Variants in TENM2 observed in about 807,000 individuals in gnomAD.
The protein encoded by TENM2 is teneurin-2.
Under a neutral mutation model 245.2 loss-of-function variants are expected in TENM2, and 52 were observed. The ratio of observed to expected loss-of-function variants is 0.21; its 90% CI spans 0.17 to 0.27. The LOEUF (loss-of-function observed/expected upper bound fraction) is 0.27, where lower values mean the gene tolerates loss of function less well. Ranked by LOEUF, TENM2 falls within the 10% of genes least tolerant of loss-of-function variation. The pLI is 1.00. For synonymous variants in TENM2, 1,363 were observed against 1,438.9 expected, an observed-to-expected ratio of 0.95 and a Z score of 1.19; for missense variants, 3,046 against 3,666.8, an observed-to-expected ratio of 0.83 and a Z score of 4.37.
At chr5:167,705,989 A>ATATT (rs1215316587) in intron 2 of TENM2, among the ~76,000 whole-genome samples, 18 of 63,974 alleles carry the variant, frequency 2.8e-4, no homozygotes, top group South Asian at 4.1e-4. Context: ...ATATATATAT[A>ATATT]TATTTATTTA....
the TENM2 span, among the ~76,000 whole-genome samples, chr5:167,027,215 A>G: frequency 6.6e-6 from 1 of 152,180 alleles, no homozygotes; most frequent in African/African-American, 2.4e-5. Flanking sequence ...GTAAATTACT[A>G]AGGAATTATT....
the TENM2 span, among the ~76,000 whole-genome samples, chr5:167,018,884 A>G: frequency 6.6e-6 from 1 of 152,226 alleles, no homozygotes; most frequent in Non-Finnish European, 1.5e-5. Flanking sequence ...AAAATGGAAC[A>G]AATAATACCT....
chr5:168,164,967 C>T lies in TENM2; in HGVS notation c.2569+2210C>T, dbSNP rs77283250. ...GTGTCCAGAGCAGGGTGGAATCCATCGGGGTGGTGGATGAGAGTATTAGAT... is the reference window on the plus strand; with the variant it reads ...GTGTCCAGAGCAGGGTGGAATCCATTGGGGTGGTGGATGAGAGTATTAGAT... On this transcript the variant is annotated intron_variant, in intron 13 of 28. Coordinates refer to ENST00000518659, the Ensembl canonical transcript of TENM2. Among the ~76,000 whole-genome samples the T allele has an allele frequency of 7.3e-4, 111 of 152,300 alleles. 1 individual carries two copies. The East Asian group carries it at 0.019, about 26-fold the overall frequency.
chr5:167,993,216 G>T, intron 5 of TENM2, 34 bp downstream of exon 7: 1 of 1,555,268 alleles, frequency 6.4e-7, no homozygotes, highest in Non-Finnish European at 8.9e-7. Flanking sequence ...GCAACGCTGG[G>T]GATGACAACA....
upstream of TENM2, among the ~76,000 whole-genome samples, chr5:167,280,132 G>A (rs1770961240): frequency 2.0e-5 from 3 of 152,188 alleles, no homozygotes; most frequent in South Asian, 6.2e-4. Context: ...AAGGCAGGGA[G>A]TTTCTTCTCA....
the TENM2 span, among the ~76,000 whole-genome samples, chr5:167,162,618 C>A: frequency 6.8e-6 from 1 of 147,280 alleles, no homozygotes; most frequent in Non-Finnish European, 1.5e-5. Context: ...CAAAGCAAGA[C>A]TGTATCTAAA....
At chr5:167,386,810 TC>T (rs1042627728) in intron 2 of TENM2, among the ~76,000 whole-genome samples, 15 of 152,138 alleles carry the variant, frequency 9.9e-5, no homozygotes, top group African/African-American at 3.6e-4. Context: ...TTGTTGAAGA[TC>T]AGTTCCTGCA....
At chr5:167,868,239 C>T (rs1772499687) in intron 2 of TENM2, among the ~76,000 whole-genome samples, 1 of 152,146 alleles carries the variant, frequency 6.6e-6, no homozygotes, top group Admixed American at 6.5e-5. Context: ...CAAAAAGTTC[C>T]CACACATTGC....
intron 25 of TENM2, among the ~76,000 whole-genome samples, chr5:168,237,537 T>C (rs1250547198): frequency 6.6e-6 from 1 of 151,948 alleles, no homozygotes; most frequent in Non-Finnish European, 1.5e-5. Flanking sequence ...ACATGAATGG[T>C]GAAGGTATGG....
At chr5:167,223,335 A>G in the TENM2 span, among the ~76,000 whole-genome samples, 1 of 151,454 alleles carries the variant, frequency 6.6e-6, no homozygotes, top group African/African-American at 2.4e-5. Context: ...AACTCCCCCG[A>G]CCCCCACCCC....
chr5:167,268,192 G>T, the TENM2 span, among the ~76,000 whole-genome samples: 1 of 152,152 alleles, frequency 6.6e-6, no homozygotes, highest in Non-Finnish European at 1.5e-5. Flanking sequence ...TGTAATTGTG[G>T]CTGCTTCTAA....
chr5:167,674,032 T>A (rs1756141746), intron 2 of TENM2, among the ~76,000 whole-genome samples: 1 of 152,170 alleles, frequency 6.6e-6, no homozygotes, highest in African/African-American at 2.4e-5. Flanking sequence ...AAAATTTGAA[T>A]GTTCTGTAAT....
intron 4 of TENM2, among the ~76,000 whole-genome samples, chr5:167,981,219 C>T (rs1404037751): frequency 6.6e-6 from 1 of 152,188 alleles, no homozygotes; most frequent in East Asian, 1.9e-4. Flanking sequence ...CCATCCCCAC[C>T]CAGGGCAGTC....
intron 2 of TENM2, among the ~76,000 whole-genome samples, chr5:167,438,222 A>G (rs1328803172): frequency 2.6e-5 from 4 of 152,142 alleles, no homozygotes; most frequent in Non-Finnish European, 1.5e-5. Flanking sequence ...TTCCGCAAGG[A>G]TCCAAAAAGT....
intron 2 of TENM2, among the ~76,000 whole-genome samples, chr5:167,485,616 C>T (rs1207003860): frequency 1.3e-5 from 2 of 152,024 alleles, no homozygotes; most frequent in Admixed American, 6.6e-5. Flanking sequence ...ACTGAGAGAT[C>T]GTCTCATAGC....
At chr5:167,293,394 T>G (rs921861285) in intron 1 of TENM2, among the ~76,000 whole-genome samples, 2 of 145,920 alleles carry the variant, frequency 1.4e-5, no homozygotes, top group African/African-American at 5.2e-5. Context: ...TTTTTTTGTA[T>G]TTTTTAGTAG....
the TENM2 span, among the ~76,000 whole-genome samples, chr5:167,157,231 G>T: frequency 3.3e-5 from 5 of 152,182 alleles, no homozygotes; most frequent in South Asian, 1.0e-3. Flanking sequence ...GTTTCAAAAG[G>T]CCCCTCCTTG....
rs190794363 is a variant in TENM2 at position 168,241,884 on chromosome 5, C to T, written c.5521-2536C>T. Among the ~76,000 whole-genome samples the T allele has an allele frequency of 4.6e-4, 70 of 152,234 alleles. 2 individuals are homozygous for T. The highest frequency in any genetic ancestry group is 1.7e-3 in the South Asian group (8 of 4,818). On this transcript the variant is annotated intron_variant, in intron 25 of 28. Coordinates refer to ENST00000518659, the Ensembl canonical transcript of TENM2. ...ATAGCAAGGGTTTAAACAGGATTTA[C>T]GCTTATTATTTTCCTATGATCTGAA...
At chr5:167,697,427 A>C (rs1236757088) in intron 2 of TENM2, among the ~76,000 whole-genome samples, 3 of 152,224 alleles carry the variant, frequency 2.0e-5, no homozygotes, top group Non-Finnish European at 2.9e-5. Context: ...ACTAGATTAT[A>C]AGCTCCCTGA....
Sources: gnomAD v4.1 joint callset for allele counts (sites outside exome capture counted in the v4.1 genomes callset) on GRCh38, gnomAD v4.1.1 for gene constraint, MANE v1.5 for transcripts, NCBI Gene and HGNC (gene_info 2026-07-23, HGNC 2026-07-21) for gene names.